AGBL4: variants seen among roughly 807,000 people sequenced by gnomAD.
The protein encoded by AGBL4 is cytosolic carboxypeptidase 6.
A neutral mutation model predicts 66.4 loss-of-function variants in AGBL4; 58 were observed. That is an observed-to-expected ratio of 0.87 (90% CI 0.71 to 1.09). The LOEUF (loss-of-function observed/expected upper bound fraction) is 1.09, where lower values mean the gene tolerates loss of function less well. Ranked by LOEUF, AGBL4 falls within the 50% of genes least tolerant of loss-of-function variation. The probability of loss-of-function intolerance (pLI) is 0.00; values close to 1 mark genes in which losing one functional copy is unlikely to be tolerated. For missense variants in AGBL4, 579 were observed against 631.0 expected (o/e 0.92, Z 0.88); for synonymous variants, 234 against 222.9 (o/e 1.05, Z -0.44).
At chr1:49,788,057 C>T (rs1340097605) in intron 2 of AGBL4, among the ~76,000 whole-genome samples, 1 of 152,174 alleles carries the variant, frequency 6.6e-6, no homozygotes, top group Admixed American at 6.5e-5. Context: ...GCCGGTCACA[C>T]AAAAAGGATC....
chr1:49,473,182 C>T (rs1044515800), intron 3 of AGBL4, among the ~76,000 whole-genome samples: 1 of 151,994 alleles, frequency 6.6e-6, no homozygotes, highest in African/African-American at 2.4e-5. Flanking sequence ...AATGAGATTC[C>T]TAAGTCGAAT....
At position 49,029,411 on chromosome 1, in the gene AGBL4, A is replaced by G. The variant is rs866617177; in HGVS notation, c.594+16173T>C. Among the ~76,000 whole-genome samples the G allele has an allele frequency of 3.3e-5, 5 of 152,196 alleles. No homozygotes were observed. In the South Asian group the frequency reaches 1.0e-3, roughly 31 times the overall value. ...AATTTGTATTTAAGTCCAAAACAAA[A>G]TTAAGAAAACAAGCTTATTTACAAT... is the stretch of plus-strand genomic sequence containing the variant. On this transcript the variant is annotated intron_variant, in intron 5 of 13. Transcript: ENST00000371839.
intron 3 of AGBL4, among the ~76,000 whole-genome samples, chr1:49,616,885 A>C (rs1358129802): frequency 1.3e-5 from 2 of 151,958 alleles, no homozygotes; most frequent in East Asian, 1.9e-4. Context: ...TCTACTCATC[A>C]CCTCCACTGG....
At chr1:49,279,586 C>T (rs1378146840) in intron 3 of AGBL4, among the ~76,000 whole-genome samples, 2 of 151,456 alleles carry the variant, frequency 1.3e-5, no homozygotes, top group Non-Finnish European at 2.9e-5. Flanking sequence ...TTCAGCTATG[C>T]CACCAACTTA....
At chr1:49,122,069 C>T (rs566694943) in intron 4 of AGBL4, among the ~76,000 whole-genome samples, 13 of 152,320 alleles carry the variant, frequency 8.5e-5, no homozygotes, top group South Asian at 2.1e-4. Flanking sequence ...TTGGGAAAAG[C>T]GCAGTATTTG....
Position 48,884,371 on chromosome 1 carries a change from C to A in AGBL4, c.595-17141G>T, listed in dbSNP as rs541550498. On this transcript the variant is annotated intron_variant, in intron 5 of 13. Coordinates refer to ENST00000371839, the MANE Select transcript of AGBL4 (RefSeq NM_032785.4). Reference sequence around the variant, plus strand: ...AGACCAAGGATTCAAACCCAAGTCTCACTGGTTCGAGAGCCTGGACTTTTT... The same window carrying A: ...AGACCAAGGATTCAAACCCAAGTCTAACTGGTTCGAGAGCCTGGACTTTTT... 8.3e-3 allele frequency among the ~76,000 whole-genome samples: 1,213 copies of A among 146,330 alleles called. 17 individuals are homozygous for A. The highest frequency in any genetic ancestry group is 0.023 in the African/African-American group (953 of 40,594).
At chr1:48,696,622 C>T (rs1646717709) in intron 6 of AGBL4, among the ~76,000 whole-genome samples, 1 of 152,174 alleles carries the variant, frequency 6.6e-6, no homozygotes, top group South Asian at 2.1e-4. Context: ...GGAAGAAATA[C>T]CCAACTGCTT....
At chr1:49,838,883 T>C (rs1645919082) in intron 2 of AGBL4, among the ~76,000 whole-genome samples, 1 of 152,188 alleles carries the variant, frequency 6.6e-6, no homozygotes, top group South Asian at 2.1e-4. Context: ...AGATGATGTG[T>C]CTCCTTTTGT....
intron 4 of AGBL4, among the ~76,000 whole-genome samples, chr1:49,193,238 T>G (rs1647157153): frequency 6.6e-6 from 1 of 152,026 alleles, no homozygotes; most frequent in Admixed American, 6.6e-5. Flanking sequence ...TTCTTTTTTT[T>G]TTCTGGTAGC....
At chr1:48,744,760 A>G (rs1259172372) in intron 6 of AGBL4, among the ~76,000 whole-genome samples, 3 of 152,140 alleles carry the variant, frequency 2.0e-5, no homozygotes, top group Non-Finnish European at 4.4e-5. Flanking sequence ...GTCCCACACC[A>G]TGGCCTCCAT....
intron 6 of AGBL4, among the ~76,000 whole-genome samples, chr1:48,748,813 G>A (rs1309336380): frequency 6.6e-6 from 1 of 152,126 alleles, no homozygotes; most frequent in East Asian, 1.9e-4. Flanking sequence ...GGGGAGGTGG[G>A]GGAGTAGTGA....
At chr1:49,742,244 T>A (rs1355136981) in intron 2 of AGBL4, among the ~76,000 whole-genome samples, 1 of 149,960 alleles carries the variant, frequency 6.7e-6, no homozygotes, top group Non-Finnish European at 1.5e-5. Context: ...ACAAGCATTC[T>A]TATACACCAA....
In AGBL4 at chr1:49,907,825, T is replaced by C. The variant is rs149301222; in HGVS notation, c.35-56307A>G. On this transcript the variant is annotated intron_variant, in intron 1 of 13. Coordinates refer to ENST00000371839, the MANE Select transcript of AGBL4 (RefSeq NM_032785.4). ...CTAATGTATGATAATAATGTGTCAA[T>C]GTAGGTTCATTGACACAACAAATAA... Among the ~76,000 whole-genome samples the C allele has an allele frequency of 2.6e-5, 4 of 152,232 alleles. No homozygotes were observed. The East Asian group carries it at 7.7e-4, about 29-fold the overall frequency.
intron 3 of AGBL4, among the ~76,000 whole-genome samples, chr1:49,272,123 G>A (rs1406817209): frequency 1.3e-5 from 2 of 152,144 alleles, no homozygotes; most frequent in Non-Finnish European, 2.9e-5. Flanking sequence ...AAAACATGCA[G>A]TTTAAATACT....
chr1:48,697,147 C>T (rs1048130054), intron 6 of AGBL4, among the ~76,000 whole-genome samples: 5 of 152,092 alleles, frequency 3.3e-5, no homozygotes, highest in Non-Finnish European at 7.3e-5. Context: ...TGCTCTTCAC[C>T]AAGCAAGACA....
chr1:49,932,722 A>G (rs937930604), intron 1 of AGBL4, among the ~76,000 whole-genome samples: 14 of 152,176 alleles, frequency 9.2e-5, no homozygotes, highest in African/African-American at 3.4e-4. Flanking sequence ...ACCCTCCTAG[A>G]CAGAAACATT....
chr1:49,207,328 T>C (rs1648233035), intron 4 of AGBL4, among the ~76,000 whole-genome samples: 4 of 151,986 alleles, frequency 2.6e-5, no homozygotes, highest in Admixed American at 2.6e-4. Flanking sequence ...TGAGGGAGGA[T>C]CAAAAGCCAG....
At chr1:49,385,893 T>C (rs886233654) in intron 3 of AGBL4, among the ~76,000 whole-genome samples, 1 of 152,060 alleles carries the variant, frequency 6.6e-6, no homozygotes, top group African/African-American at 2.4e-5. Context: ...AATCTTTGTA[T>C]TCCAGTTATA....
intron 3 of AGBL4, chr1:49,257,443 G>C (rs1445533029): frequency 1.3e-5 from 2 of 156,550 alleles, no homozygotes; most frequent in African/African-American, 4.8e-5. Context: ...CTAGCAATCA[G>C]CGAGACTCCG....
Sources: gnomAD v4.1 joint callset for allele counts (sites outside exome capture counted in the v4.1 genomes callset) on GRCh38, gnomAD v4.1.1 for gene constraint, MANE v1.5 for transcripts, NCBI Gene and HGNC (gene_info 2026-07-23, HGNC 2026-07-21) for gene names.